RAD51B: variants seen among roughly 807,000 people sequenced by gnomAD.
RAD51B encodes the protein DNA repair protein RAD51 homolog 2.
In RAD51B, 38 loss-of-function variants were observed where a neutral mutation model predicts 42.2. That is an observed-to-expected ratio of 0.90 (90% CI 0.70 to 1.18). RAD51B has a LOEUF of 1.18. Ranked by LOEUF, RAD51B falls within the 50% of genes most tolerant of loss-of-function variation. The pLI is 0.00. For missense variants in RAD51B, 373 were observed against 400.7 expected (o/e 0.93, Z 0.59); for synonymous variants, 154 against 145.2 (o/e 1.06, Z -0.43).
intron 9 of RAD51B, among the ~76,000 whole-genome samples, chr14:68,442,101 T>G (rs1437298102): frequency 6.6e-6 from 1 of 152,214 alleles, no homozygotes; most frequent in Non-Finnish European, 1.5e-5. Context: ...TGGGCAATTC[T>G]TAAAGATACA....
At chr14:68,281,973 C>T (rs546179815) in intron 7 of RAD51B, among the ~76,000 whole-genome samples, 3 of 151,004 alleles carry the variant, frequency 2.0e-5, no homozygotes, top group Non-Finnish European at 4.4e-5. Context: ...TTGGCCAGGA[C>T]ATCCTTTTTT....
chr14:68,460,721 G>A (rs919956456), intron 9 of RAD51B, among the ~76,000 whole-genome samples: 1 of 152,176 alleles, frequency 6.6e-6, no homozygotes, highest in Non-Finnish European at 1.5e-5. Flanking sequence ...TGAGCCTCTT[G>A]GAAGTGGGAT....
At chr14:67,975,195 G>A (rs1261030457) in intron 7 of RAD51B, among the ~76,000 whole-genome samples, 1 of 152,098 alleles carries the variant, frequency 6.6e-6, no homozygotes, top group Non-Finnish European at 1.5e-5. Context: ...TTATTGAATG[G>A]TGCACAAATG....
chr14:67,881,611 T>G, intron 5 of RAD51B, among the ~76,000 whole-genome samples: 1 of 152,188 alleles, frequency 6.6e-6, no homozygotes, highest in East Asian at 1.9e-4. Flanking sequence ...ACTTTCCCTT[T>G]CTTGTGTTGC....
At chr14:68,312,668 C>T (rs899462300) in intron 8 of RAD51B, among the ~76,000 whole-genome samples, 1 of 152,196 alleles carries the variant, frequency 6.6e-6, no homozygotes, top group Non-Finnish European at 1.5e-5. Flanking sequence ...ATTTTACCAG[C>T]ATAATTATCA....
chr14:68,425,658 T>C (rs187877188), intron 9 of RAD51B, among the ~76,000 whole-genome samples: 8 of 152,306 alleles, frequency 5.3e-5, no homozygotes, highest in African/African-American at 1.9e-4. Context: ...TATTTGGTTA[T>C]ACCAGGACAA....
At chr14:68,623,210 T>C (rs1472615111) in intron 10 of RAD51B, among the ~76,000 whole-genome samples, 3 of 152,034 alleles carry the variant, frequency 2.0e-5, no homozygotes, top group Admixed American at 2.0e-4. Context: ...AGCTGTTCCC[T>C]CCCCCAGGAC....
chr14:68,442,435 CTT>C (rs774360651), intron 9 of RAD51B, among the ~76,000 whole-genome samples: 20 of 68,422 alleles, frequency 2.9e-4, no homozygotes, highest in African/African-American at 1.1e-3. Context: ...AGGCATTGTG[CTT>C]TTTTTTTTTT....
rs570179630 is a variant in RAD51B at position 68,076,647 on chromosome 14, A to G, written c.756+189443A>G. On this transcript the variant is annotated intron_variant, in intron 7 of 10. Transcript: ENST00000471583. ...GTCACTTAGGGAGGTTGTCAAAGAA[A>G]TTCCTGATTGGGAGTTGTTTGAACT... Among the ~76,000 whole-genome samples the G allele has an allele frequency of 6.6e-5, 10 of 152,298 alleles. No homozygotes were observed. In the South Asian group the frequency reaches 2.1e-3, roughly 32 times the overall value.
intron 8 of RAD51B, among the ~76,000 whole-genome samples, chr14:68,329,921 G>T (rs914162488): frequency 8.6e-5 from 13 of 150,710 alleles, no homozygotes; most frequent in Non-Finnish European, 1.9e-4. Flanking sequence ...GGTGGAGTGT[G>T]CAGTGAGCCG....
chr14:68,543,045 G>C (rs1320248876), intron 10 of RAD51B, among the ~76,000 whole-genome samples: 3 of 152,174 alleles, frequency 2.0e-5, no homozygotes, highest in South Asian at 4.1e-4. Context: ...TTCCCTTAGA[G>C]CAGAGGTCAG....
chr14:68,465,418 G>A (rs906978067), intron 9 of RAD51B, among the ~76,000 whole-genome samples: 1 of 152,044 alleles, frequency 6.6e-6, no homozygotes, highest in African/African-American at 2.4e-5. Context: ...CTTCAATCAG[G>A]CTAATTGCCT....
rs374814343 is a variant in RAD51B at position 68,642,034 on chromosome 14, G to A, written c.1037-8747G>A. 7.2e-4 allele frequency among the ~76,000 whole-genome samples: 109 copies of A among 152,212 alleles called. 3 individuals carry two copies. The South Asian group carries it at 0.017, about 24-fold the overall frequency. ...TTTTGTTGAGGATTTTTACATCCACGTTTGTAAGAGATAATTGGTATGTAA... is the reference window on the plus strand; with the variant it reads ...TTTTGTTGAGGATTTTTACATCCACATTTGTAAGAGATAATTGGTATGTAA... On this transcript the variant is annotated intron_variant, in intron 10 of 11. Transcript: ENST00000488612.
chr14:68,329,361 T>C (rs576725862), intron 8 of RAD51B, among the ~76,000 whole-genome samples: 1 of 152,258 alleles, frequency 6.6e-6, no homozygotes, highest in East Asian at 1.9e-4. Flanking sequence ...AACTCCTGAG[T>C]CAAATACCAG....
At chr14:68,376,686 TG>T (rs2139970997) in intron 8 of RAD51B, among the ~76,000 whole-genome samples, 1 of 152,356 alleles carries the variant, frequency 6.6e-6, no homozygotes, top group African/African-American at 2.4e-5. Context: ...GCCCAGCTCC[TG>T]GGGACTGTCA....
At position 68,565,894 on chromosome 14, in the gene RAD51B, ACT is replaced by A. The variant is rs1889395275; in HGVS notation, c.1037-28587_1037-28586del. ...ATCTTTTCCCTGGAGGTGTCTGGCC[ACT>A]CTCATCCCCGCCGGGCTCCAATGTG... On this transcript the variant is annotated intron_variant, in intron 10 of 10. Transcript: ENST00000487270. This position sits in a 1 kb window ranked among gnomAD's most constrained non-coding sequence, Gnocchi z 4.1. 6.6e-6 allele frequency among the ~76,000 whole-genome samples: 1 copy of A among 152,002 alleles called. No homozygotes were observed. The highest frequency in any genetic ancestry group is 6.6e-5 in the Admixed American group (1 of 15,266).
At chr14:67,987,156 C>A (rs373857911) in intron 7 of RAD51B, among the ~76,000 whole-genome samples, 2 of 152,262 alleles carry the variant, frequency 1.3e-5, no homozygotes, top group African/African-American at 4.8e-5. Flanking sequence ...GGGTATCTAT[C>A]CCCTCAAGCA....
At chr14:68,319,294 C>A (rs985994898) in intron 8 of RAD51B, among the ~76,000 whole-genome samples, 17 of 152,170 alleles carry the variant, frequency 1.1e-4, no homozygotes, top group African/African-American at 3.6e-4. Flanking sequence ...ATGAGTACAT[C>A]TAAAATATTG....
intron 10 of RAD51B, among the ~76,000 whole-genome samples, chr14:68,578,585 G>T (rs1485945760): frequency 1.3e-5 from 2 of 152,148 alleles, no homozygotes; most frequent in African/African-American, 4.8e-5. Flanking sequence ...TGAGCCCCAG[G>T]TCCTGAATGT....
Sources: gnomAD v4.1 joint callset for allele counts (sites outside exome capture counted in the v4.1 genomes callset) on GRCh38, gnomAD v4.1.1 for gene constraint, Gnocchi (gnomAD v3.1) non-coding constraint, MANE v1.5 for transcripts, NCBI Gene and HGNC (gene_info 2026-07-23, HGNC 2026-07-21) for gene names.